Variants in SH2D4A observed in about 807,000 individuals in gnomAD.
SH2D4A encodes SH2 domain-containing protein 4A.
A neutral mutation model predicts 64.7 loss-of-function variants in SH2D4A; 70 were observed. The ratio of observed to expected loss-of-function variants is 1.08; its 90% confidence interval spans 0.89 to 1.32. The LOEUF (loss-of-function observed/expected upper bound fraction) is 1.32, where lower values mean the gene tolerates loss of function less well. Among genes scored for constraint, SH2D4A ranks in the 40% most tolerant of loss-of-function variants. SH2D4A has a pLI of 0.00. For synonymous variants in SH2D4A, 268 were observed against 200.7 expected, an observed-to-expected ratio of 1.34 and a Z score of -2.83; for missense variants, 706 against 540.1, an observed-to-expected ratio of 1.31 and a Z score of -3.04.
Position 19,364,058 on chromosome 8 carries a change from C to A in SH2D4A, c.707-14C>A, listed in dbSNP as rs559175494. On this transcript the variant is annotated splice_polypyrimidine_tract_variant and intron_variant, in intron 6 of 9. Coordinates refer to ENST00000265807, the MANE Select transcript of SH2D4A (RefSeq NM_022071.4). ...GGCTGATGAGGGTTTTCTCCGACCC[C>A]GTTGTTTTTCCAGTGCGAAAATCCA... 3.1e-6 allele frequency: 5 copies of A among 1,613,380 alleles called. No homozygotes were observed. In the East Asian group the frequency reaches 6.7e-5, roughly 22 times the overall value.
chr8:19,371,652 G>A (rs568917524), intron 7 of SH2D4A, among the ~76,000 whole-genome samples: 1 of 152,134 alleles, frequency 6.6e-6, no homozygotes, highest in East Asian at 1.9e-4. Flanking sequence ...CTTTGCATAA[G>A]CATTTAACCC....
intron 4 of SH2D4A, among the ~76,000 whole-genome samples, chr8:19,350,216 C>A (rs1341629097): frequency 3.3e-5 from 5 of 152,118 alleles, no homozygotes; most frequent in African/African-American, 1.2e-4. Flanking sequence ...CAGGCGTCTC[C>A]CTGGATGAGA....
rs561682825 is a variant in SH2D4A, at chr8:19,364,138, A to G, written c.773A>G (p.Lys258Arg). The G allele has an allele frequency of 5.9e-5, 96 of 1,614,136 alleles. 1 individual carries two copies. The South Asian group carries it at 8.1e-4, about 14-fold the overall frequency. ...SLAKQAREDY[K>R]RLSLGAQKGR... ...GCTAAACAAGCACGAGAAGACTACA[A>G]GAGGTTATCCCTCGGGGCCCAGAAA... The change falls in exon 7 of 10, where the codon AAG becomes AGG. Residue 258 changes from lysine (K) to arginine (R), a missense_variant. By Grantham distance (26) the Lys-to-Arg change is conservative (BLOSUM62 2). Transcript: ENST00000265807.
intron 5 of SH2D4A, 33 bp from the exon 6 acceptor site, chr8:19,361,170 G>GTTTTT: frequency 1.5e-6 from 2 of 1,342,896 alleles, no homozygotes; most frequent in Non-Finnish European, 1.0e-6. Flanking sequence ...GTTTTGTTTT[G>GTTTTT]TTTTTGTTTT....
chr8:19,369,698 T>G (rs867993031), intron 7 of SH2D4A, among the ~76,000 whole-genome samples: 1 of 152,078 alleles, frequency 6.6e-6, no homozygotes. Context: ...TCATCTCTGA[T>G]TTTATTTATT....
intron 4 of SH2D4A, among the ~76,000 whole-genome samples, chr8:19,348,775 A>C (rs1274209774): frequency 1.3e-5 from 2 of 152,252 alleles, no homozygotes; most frequent in Non-Finnish European, 2.9e-5. Flanking sequence ...TATTAGCAAA[A>C]TAACACTTTA....
chr8:19,394,733 C>G lies in SH2D4A; in HGVS notation c.*91C>G. 1.1e-6 allele frequency: 1 copy of G among 924,240 alleles called. No individual in the cohort carries two copies. The highest frequency in any genetic ancestry group is 1.6e-6 in the Non-Finnish European group (1 of 623,686). 57.3% of individuals were successfully genotyped at this position (924,240 alleles called of 1,614,324 possible). A position where few individuals can be genotyped will look rare whatever the true frequency, so the allele number is the denominator to read the frequency against. On this transcript the variant is annotated 3_prime_UTR_variant, in exon 10 of 10. Transcript: ENST00000265807. The stretch of plus-strand genomic sequence containing the variant: ...CATTTATGTGTGAAGCCAAAATCAC[C>G]CTGCAGCAGAGCCAATACTGATCAA...
At chr8:19,372,178 C>A (rs560459646) in intron 7 of SH2D4A, among the ~76,000 whole-genome samples, 4 of 152,276 alleles carry the variant, frequency 2.6e-5, no homozygotes, top group African/African-American at 9.6e-5. Context: ...CTTTCAGAGG[C>A]CCTTCCAGAA....
At position 19,364,134 on chromosome 8, in the gene SH2D4A, T is replaced by C; in HGVS notation, c.769T>C (p.Tyr257His). Residue 257 changes from tyrosine to histidine, a missense_variant, in exon 7 of 10, where the codon TAC becomes CAC. Transcript: ENST00000265807. The stretch of plus-strand genomic sequence containing the variant: ...CTTGGCTAAACAAGCACGAGAAGAC[T>C]ACAAGAGGTTATCCCTCGGGGCCCA... ...RSLAKQAREDYKRLSLGAQKG... is the reference protein window; with the variant it reads ...RSLAKQAREDHKRLSLGAQKG... 2.5e-6 allele frequency: 4 copies of C among 1,614,068 alleles called. No homozygotes were observed. The highest frequency in any genetic ancestry group is 3.4e-6 in the Non-Finnish European group (4 of 1,179,986).
At chr8:19,364,650 C>T (rs907858054) in intron 7 of SH2D4A, among the ~76,000 whole-genome samples, 1 of 148,822 alleles carries the variant, frequency 6.7e-6, no homozygotes, top group Non-Finnish European at 1.5e-5. Context: ...AGTGGGGTTT[C>T]ACTGATGCCC....
At chr8:19,386,678 C>A (rs563982943) in intron 8 of SH2D4A, among the ~76,000 whole-genome samples, 2 of 152,136 alleles carry the variant, frequency 1.3e-5, no homozygotes, top group African/African-American at 4.8e-5. Flanking sequence ...AAGAGAGAGT[C>A]TGCTTTGGGG....
chr8:19,372,420 A>G (rs189843497), intron 7 of SH2D4A, among the ~76,000 whole-genome samples: 2 of 152,302 alleles, frequency 1.3e-5, no homozygotes, highest in African/African-American at 4.8e-5. Context: ...TTAATGACCC[A>G]GACAAGTGTG....
intron 4 of SH2D4A, among the ~76,000 whole-genome samples, chr8:19,336,596 A>G (rs1193811072): frequency 3.9e-5 from 6 of 152,144 alleles, no homozygotes; most frequent in Admixed American, 1.3e-4. Context: ...CACACTTGTA[A>G]TCTCAGTGCT....
intron 7 of SH2D4A, among the ~76,000 whole-genome samples, chr8:19,367,565 T>C (rs755587093): frequency 3.9e-5 from 6 of 152,150 alleles, no homozygotes; most frequent in Non-Finnish European, 8.8e-5. Flanking sequence ...TATTGAGGTT[T>C]TTTCTTATTT....
chr8:19,392,742 T>G (rs932602467), intron 8 of SH2D4A, among the ~76,000 whole-genome samples: 7 of 152,076 alleles, frequency 4.6e-5, no homozygotes, highest in African/African-American at 1.4e-4. Flanking sequence ...CCTTTTTTTT[T>G]TGTTTTGTTT....
chr8:19,314,653 C>CTT (rs1450930337), intron 1 of SH2D4A, among the ~76,000 whole-genome samples: 1 of 152,178 alleles, frequency 6.6e-6, no homozygotes, highest in Non-Finnish European at 1.5e-5. Context: ...CTCCTCATCG[C>CTT]TCCAAAGGCT....
Position 19,319,569 on chromosome 8 carries a change from G to T in SH2D4A, c.22G>T (p.Glu8Ter), listed in dbSNP as rs764635087. ...AAAGATGCTGAAACAGATACTGTCG[G>T]AGATGTACATAGATCCTGATCTACT... MLKQILS[E>*]MYIDPDLLAE... is the part of the protein sequence containing the mutation. Residue 8 changes from glutamate (E) to a stop codon, truncating the protein, a stop_gained, in exon 2 of 10, where the codon GAG (glutamate) becomes TAG (stop). Transcript: ENST00000265807. LOFTEE classifies it high-confidence loss of function. 5.1e-6 allele frequency: 8 copies of T among 1,571,536 alleles called. No individual in the cohort carries two copies. Among genetic ancestry groups the T allele is most frequent in the Admixed American group, 1.9e-5 (1 of 51,302 alleles).
chr8:19,371,207 C>G (rs115770612), intron 7 of SH2D4A, among the ~76,000 whole-genome samples: 1,736 of 152,188 alleles, frequency 0.011, 29 homozygotes, highest in African/African-American at 0.039. Flanking sequence ...ATGTTAGCAT[C>G]CAGTTTATGT....
chr8:19,394,461 G>C (rs1230913229), intron 9 of SH2D4A, 89 bp from the exon 10 acceptor site: 4 of 826,242 alleles, frequency 4.8e-6, no homozygotes, highest in African/African-American at 1.7e-5. Context: ...GTAAATCATG[G>C]GTAGGCAGCT....
Sources: gnomAD v4.1 joint callset for allele counts (sites outside exome capture counted in the v4.1 genomes callset) on GRCh38, gnomAD v4.1.1 for gene constraint, MANE v1.5 for transcripts, NCBI Gene and HGNC (gene_info 2026-07-23, HGNC 2026-07-21) for gene names.